CHRM3: variants seen among roughly 807,000 people sequenced by gnomAD.
CHRM3 encodes cholinergic receptor muscarinic 3, also known as muscarinic acetylcholine receptor M3.
CHRM3 carries 11 observed loss-of-function variants against 41.8 expected under a neutral mutation model. That is an observed-to-expected ratio of 0.26 (90% CI 0.17 to 0.44). CHRM3 has a LOEUF of 0.44. Among genes scored for constraint, CHRM3 ranks in the 20% least tolerant of loss-of-function variants. The probability of loss-of-function intolerance (pLI) is 1.00; values close to 1 mark genes in which losing one functional copy is unlikely to be tolerated. For synonymous variants in CHRM3, 297 were observed against 301.4 expected (o/e 0.99, Z 0.15); for missense variants, 571 against 745.4 (o/e 0.77, Z 2.72).
In CHRM3 at chr1:239,731,754, A is replaced by G. The variant is rs373659620; in HGVS notation, c.-147+53466A>G. On this transcript the variant is annotated intron_variant, in intron 5 of 6. Coordinates refer to ENST00000676153, the MANE Select transcript of CHRM3 (RefSeq NM_001375978.1). ...TTTAGATTGAAATGCATCTTTTGCCAACCATTTATGATCTATATATAGCCA... is the reference window on the plus strand; with the variant it reads ...TTTAGATTGAAATGCATCTTTTGCCGACCATTTATGATCTATATATAGCCA... 6.6e-5 allele frequency among the ~76,000 whole-genome samples: 10 copies of G among 152,144 alleles called. No individual in the cohort carries two copies. In the East Asian group the frequency reaches 1.9e-3, roughly 30 times the overall value.
intron 2 of CHRM3, among the ~76,000 whole-genome samples, chr1:239,533,581 A>AG (rs1271555257): frequency 6.6e-6 from 1 of 151,298 alleles, no homozygotes; most frequent in Admixed American, 6.6e-5. Context: ...AAAAAAAAAA[A>AG]TTACCTGTGC....
At chr1:239,666,749 G>A (rs1673846942) in intron 4 of CHRM3, among the ~76,000 whole-genome samples, 1 of 152,104 alleles carries the variant, frequency 6.6e-6, no homozygotes, top group African/African-American at 2.4e-5. Context: ...GGAGGCTGAG[G>A]TTTGGGGTAT....
At chr1:239,830,123 T>C (rs1479152788) in intron 6 of CHRM3, among the ~76,000 whole-genome samples, 1 of 152,166 alleles carries the variant, frequency 6.6e-6, no homozygotes, top group Non-Finnish European at 1.5e-5. Context: ...CTGAAAGAAC[T>C]CAGTTCATCC....
chr1:239,840,294 G>T (rs183237059), intron 6 of CHRM3, among the ~76,000 whole-genome samples: 5 of 152,230 alleles, frequency 3.3e-5, no homozygotes, highest in Admixed American at 2.0e-4. Flanking sequence ...GTAAATTAGA[G>T]CGTTAACCCC....
chr1:239,477,212 T>C (rs1666526125), intron 1 of CHRM3, among the ~76,000 whole-genome samples: 3 of 152,214 alleles, frequency 2.0e-5, no homozygotes. Context: ...GAGCAAGATA[T>C]TTGATCTTTC....
chr1:239,846,474 A>G (rs991484681), intron 6 of CHRM3, among the ~76,000 whole-genome samples: 30 of 152,196 alleles, frequency 2.0e-4, no homozygotes, highest in African/African-American at 7.2e-4. Flanking sequence ...GCACCAATGG[A>G]TAAGCCAATA....
At chr1:239,539,144 C>T (rs966858307) in intron 2 of CHRM3, among the ~76,000 whole-genome samples, 2 of 152,290 alleles carry the variant, frequency 1.3e-5, no homozygotes, top group Admixed American at 6.5e-5. Flanking sequence ...GCCACCCACT[C>T]ATGCCCAAGA....
intron 5 of CHRM3, among the ~76,000 whole-genome samples, chr1:239,775,012 C>T (rs1009233453): frequency 6.6e-6 from 1 of 152,070 alleles, no homozygotes; most frequent in Non-Finnish European, 1.5e-5. Context: ...AAAAGAACTA[C>T]TATATAGTCT....
chr1:239,688,131 A>G (rs991707938), intron 5 of CHRM3, among the ~76,000 whole-genome samples: 4 of 151,578 alleles, frequency 2.6e-5, no homozygotes, highest in South Asian at 2.1e-4. Context: ...ATATATTGCA[A>G]GGTTTTTCAC....
chr1:239,531,639 ATTTT>A (rs58433814), intron 2 of CHRM3, among the ~76,000 whole-genome samples: 5 of 55,896 alleles, frequency 8.9e-5, no homozygotes, highest in African/African-American at 3.5e-4. Flanking sequence ...TCTAGAATGG[ATTTT>A]TTTTTTTTTT....
At chr1:239,430,752 C>T (rs933896803) in intron 1 of CHRM3, among the ~76,000 whole-genome samples, 1 of 150,302 alleles carries the variant, frequency 6.7e-6, no homozygotes, top group African/African-American at 2.4e-5. Flanking sequence ...CCATATATAT[C>T]AAGAGTCTGA....
At chr1:239,860,498 G>C (rs1215025953) in intron 6 of CHRM3, among the ~76,000 whole-genome samples, 2 of 152,170 alleles carry the variant, frequency 1.3e-5, no homozygotes, top group Non-Finnish European at 2.9e-5. Context: ...GACCAGAAGA[G>C]TTTCAGGTTT....
chr1:239,694,870 AT>A (rs1254654152), intron 5 of CHRM3, among the ~76,000 whole-genome samples: 6 of 152,242 alleles, frequency 3.9e-5, no homozygotes, highest in African/African-American at 1.2e-4. Context: ...CTACACTTTT[AT>A]TTTTATCAGT....
At chr1:239,532,078 T>A (rs1164129258) in intron 2 of CHRM3, among the ~76,000 whole-genome samples, 1 of 132,776 alleles carries the variant, frequency 7.5e-6, no homozygotes, top group Non-Finnish European at 1.6e-5. Context: ...AGTAGCGCGA[T>A]CTCGGCTCAC....
chr1:239,662,346 A>G (rs80311676), intron 4 of CHRM3, among the ~76,000 whole-genome samples: 1 of 152,134 alleles, frequency 6.6e-6, no homozygotes, highest in Non-Finnish European at 1.5e-5. Flanking sequence ...ATGACTGTAC[A>G]TGATTGTAGT....
At chr1:239,638,283 T>C (rs1344464884) in intron 4 of CHRM3, among the ~76,000 whole-genome samples, 2 of 151,772 alleles carry the variant, frequency 1.3e-5, no homozygotes, top group Admixed American at 1.3e-4. Context: ...TACCCAGTAA[T>C]GGGATGGCTG....
At chr1:239,891,803 C>T (rs1678575530) in intron 6 of CHRM3, among the ~76,000 whole-genome samples, 1 of 152,094 alleles carries the variant, frequency 6.6e-6, no homozygotes, top group South Asian at 2.1e-4. Context: ...CAGATGGTCT[C>T]TTATCAGGCA....
At chr1:239,638,197 A>G (rs1025872344) in intron 4 of CHRM3, among the ~76,000 whole-genome samples, 1 of 150,256 alleles carries the variant, frequency 6.7e-6, no homozygotes, top group Non-Finnish European at 1.5e-5. Flanking sequence ...AGTCTTTGCT[A>G]TTGTGAATAG....
At chr1:239,813,728 T>C (rs1671310663) in intron 5 of CHRM3, among the ~76,000 whole-genome samples, 1 of 124,824 alleles carries the variant, frequency 8.0e-6, no homozygotes, top group Admixed American at 8.0e-5. Flanking sequence ...CCATCCTGGC[T>C]AACACGGTGA....
Sources: allele counts gnomAD v4.1 joint callset (sites outside exome capture counted in the v4.1 genomes callset), GRCh38; gene constraint gnomAD v4.1.1; transcripts MANE v1.5; gene names NCBI Gene and HGNC (gene_info 2026-07-23, HGNC 2026-07-21).